The following KRABD5 variants were observed in gnomAD, a reference collection of about 807,000 sequenced individuals.
KRABD5 encodes KRAB domain-containing protein 5.
the KRABD5 span, among the ~76,000 whole-genome samples, chr16:31,738,049 G>A: frequency 3.9e-5 from 6 of 152,076 alleles, no homozygotes; most frequent in Non-Finnish European, 5.9e-5. Context: ...TTCTGTTGTA[G>A]TAAGAAGTGA....
the KRABD5 span, among the ~76,000 whole-genome samples, chr16:31,721,288 T>C: frequency 6.6e-6 from 1 of 152,120 alleles, no homozygotes; most frequent in East Asian, 1.9e-4. Flanking sequence ...TATGTACGTA[T>C]GTGCGTGTGA....
At chr16:31,730,223 C>CT in the KRABD5 span, among the ~76,000 whole-genome samples, 1 of 51,156 alleles carries the variant, frequency 2.0e-5, no homozygotes, top group African/African-American at 1.9e-4. Flanking sequence ...TGATGAATTC[C>CT]TTTAATTTTT....
the KRABD5 span, among the ~76,000 whole-genome samples, chr16:31,734,897 C>T: frequency 6.6e-6 from 1 of 151,960 alleles, no homozygotes; most frequent in Non-Finnish European, 1.5e-5. Context: ...CAGGCATGCA[C>T]CACCATGCCC....
At chr16:31,714,290 T>C in the KRABD5 span, 1 of 450,912 alleles carries the variant, frequency 2.2e-6, no homozygotes, top group Non-Finnish European at 4.5e-6. Context: ...AAGTATAAAG[T>C]GTAAGTGCCT....
At chr16:31,715,465 C>T in the KRABD5 span, among the ~76,000 whole-genome samples, 1 of 152,212 alleles carries the variant, frequency 6.6e-6, no homozygotes, top group Non-Finnish European at 1.5e-5. Context: ...ACTCCTTTCT[C>T]TTGCCCTACA....
chr16:31,759,333 T>C, the KRABD5 span: 3 of 1,535,008 alleles, frequency 2.0e-6, no homozygotes, highest in East Asian at 2.5e-5. Flanking sequence ...AATTGTACTT[T>C]ATGTATTTTG....
chr16:31,748,080 A>C, the KRABD5 span, among the ~76,000 whole-genome samples: 1 of 151,962 alleles, frequency 6.6e-6, no homozygotes, highest in Non-Finnish European at 1.5e-5. Context: ...CTATGTCCTG[A>C]ATGGTAATGC....
the KRABD5 span, among the ~76,000 whole-genome samples, chr16:31,713,864 G>A: frequency 6.6e-6 from 1 of 152,332 alleles, no homozygotes; most frequent in South Asian, 2.1e-4. Flanking sequence ...AGCGATTGGT[G>A]AAATGGGAAG....
At chr16:31,755,473 T>A in the KRABD5 span, 7 of 464,742 alleles carry the variant, frequency 1.5e-5, no homozygotes, top group Non-Finnish European at 3.1e-5. Context: ...TTTACAAATG[T>A]AAAGCATGTA....
chr16:31,755,155 C>T, the KRABD5 span: 1 of 485,986 alleles, frequency 2.1e-6, no homozygotes, highest in Non-Finnish European at 4.2e-6. Flanking sequence ...GCAGCAAAGC[C>T]TTTAACTGTA....
the KRABD5 span, among the ~76,000 whole-genome samples, chr16:31,736,901 T>A: frequency 6.6e-6 from 1 of 152,372 alleles, no homozygotes; most frequent in South Asian, 2.1e-4. Context: ...ATCCATGTTT[T>A]ATGATTTTCA....
At chr16:31,749,844 G>C in the KRABD5 span, among the ~76,000 whole-genome samples, 123 of 151,998 alleles carry the variant, frequency 8.1e-4, no homozygotes, top group African/African-American at 2.9e-3. Flanking sequence ...TGTTCTTTTC[G>C]ATGGGAGCCT....
At chr16:31,713,294 C>G in the KRABD5 span, 15 of 1,232,922 alleles carry the variant, frequency 1.2e-5, no homozygotes, top group Non-Finnish European at 1.5e-5. Context: ...AGTCTCTTCA[C>G]CAGGGGCTCC....
At chr16:31,736,422 T>C in the KRABD5 span, among the ~76,000 whole-genome samples, 1 of 151,766 alleles carries the variant, frequency 6.6e-6, no homozygotes, top group African/African-American at 2.4e-5. Flanking sequence ...TTTTTTTTTT[T>C]TTTCTATTTT....
At chr16:31,730,701 T>A in the KRABD5 span, among the ~76,000 whole-genome samples, 1 of 152,158 alleles carries the variant, frequency 6.6e-6, no homozygotes, top group Non-Finnish European at 1.5e-5. Context: ...CTTTATGATA[T>A]ACTATACAGG....
the KRABD5 span, among the ~76,000 whole-genome samples, chr16:31,749,951 A>G: frequency 6.6e-6 from 1 of 152,158 alleles, no homozygotes; most frequent in African/African-American, 2.4e-5. Context: ...GGCTTATAGT[A>G]TAGTTTGAAG....
the KRABD5 span, among the ~76,000 whole-genome samples, chr16:31,720,613 C>A: frequency 6.6e-6 from 1 of 152,106 alleles, no homozygotes; most frequent in Admixed American, 6.5e-5. Context: ...ACTTTTTTCC[C>A]CCACTAATAT....
the KRABD5 span, among the ~76,000 whole-genome samples, chr16:31,716,681 A>G: frequency 6.6e-6 from 1 of 151,744 alleles, no homozygotes; most frequent in East Asian, 2.0e-4. Flanking sequence ...TGCCTGGCCC[A>G]CAAACCCCTT....
chr16:31,758,573 A>C, the KRABD5 span: 1 of 152,084 alleles, frequency 6.6e-6, no homozygotes, highest in Non-Finnish European at 1.5e-5. Context: ...CAGGAGTTCA[A>C]GACCAGCCTA....
Sources: gnomAD v4.1 joint callset for allele counts (sites outside exome capture counted in the v4.1 genomes callset) on GRCh38, gnomAD v4.1.1 for gene constraint, MANE v1.5 for transcripts, NCBI Gene and HGNC (gene_info 2026-07-23, HGNC 2026-07-21) for gene names.